TLK1: variants seen among roughly 807,000 people sequenced by gnomAD.
The protein encoded by TLK1 is serine/threonine-protein kinase tousled-like 1.
Under a neutral mutation model 105.3 loss-of-function variants are expected in TLK1, and 24 were observed. The observed-to-expected ratio is 0.23, with a 90% CI of 0.17 to 0.32. The LOEUF is 0.32. Ranked by LOEUF, TLK1 falls within the 10% of genes least tolerant of loss-of-function variation. The pLI is 1.00. For synonymous variants in TLK1, 321 were observed against 310.4 expected (o/e 1.03, Z -0.36); for missense variants, 558 against 910.5 (o/e 0.61, Z 4.98).
At chr2:171,230,485 G>A (rs1056698760) in intron 1 of TLK1, among the ~76,000 whole-genome samples, 1 of 152,134 alleles carries the variant, frequency 6.6e-6, no homozygotes, top group African/African-American at 2.4e-5. Flanking sequence ...GAATCCGCAA[G>A]AGAATACAGT....
chr2:171,117,712 T>C (rs780176272), intron 2 of TLK1, 27 bp downstream of exon 2: 3 of 1,553,228 alleles, frequency 1.9e-6, no homozygotes, highest in Non-Finnish European at 2.7e-6. Flanking sequence ...AGAAAGACTG[T>C]CAAATAAAGA....
At chr2:171,060,968 A>G in intron 4 of TLK1, 113 bp downstream of exon 4, 1 of 1,064,176 alleles carries the variant, frequency 9.4e-7, no homozygotes. Context: ...CTGTGCACAC[A>G]CCAAAATTTA....
At chr2:171,015,725 ACACACACCCAC>A (rs1685166969) in intron 12 of TLK1, among the ~76,000 whole-genome samples, 2 of 14,556 alleles carry the variant, frequency 1.4e-4, no homozygotes, top group South Asian at 2.3e-3. Flanking sequence ...ACACACACAC[ACACACACCCAC>A]CCCTTTTTTG....
At chr2:171,194,896 G>GA (rs1219060862) in intron 1 of TLK1, among the ~76,000 whole-genome samples, 2 of 150,310 alleles carry the variant, frequency 1.3e-5, no homozygotes, top group Admixed American at 6.6e-5. Flanking sequence ...GGTTATATTA[G>GA]AAAAAAGAGG....
chr2:171,228,082 A>G (rs1424710545), intron 1 of TLK1, among the ~76,000 whole-genome samples: 1 of 152,074 alleles, frequency 6.6e-6, no homozygotes, highest in African/African-American at 2.4e-5. Flanking sequence ...AGGCTGAGAC[A>G]GGAGAATCAC....
chr2:170,993,481 TAAAC>T lies in TLK1; in HGVS notation c.*295_*298del, dbSNP rs546005290. ...ACGTTATTTACAGTGTTCCCCCAAA[TAAAC>T]AAAATTTTTTTCCTCTATCTTAACA... On this transcript the variant is annotated 3_prime_UTR_variant, in exon 21 of 21. Transcript: ENST00000431350. 43 of 245,660 alleles carry T rather than the reference TAAAC, an allele frequency of 1.8e-4. No individual in the cohort carries two copies. The highest frequency in any genetic ancestry group is 6.2e-4 in the African/African-American group (28 of 45,124). 15.2% of individuals were successfully genotyped at this position (245,660 alleles called of 1,614,324 possible).
At chr2:171,128,161 A>G (rs1204777653) in intron 1 of TLK1, among the ~76,000 whole-genome samples, 1 of 152,192 alleles carries the variant, frequency 6.6e-6, no homozygotes, top group Non-Finnish European at 1.5e-5. Context: ...AATAATTCAT[A>G]TAAGGAGATA....
At chr2:171,201,364 T>C (rs1444955018) in intron 1 of TLK1, among the ~76,000 whole-genome samples, 1 of 152,212 alleles carries the variant, frequency 6.6e-6, no homozygotes, top group Non-Finnish European at 1.5e-5. Flanking sequence ...TCAATCGTTA[T>C]GAAGCATCTT....
At chr2:171,006,737 A>C in intron 16 of TLK1, 63 bp downstream of exon 16, 2 of 1,589,640 alleles carry the variant, frequency 1.3e-6, no homozygotes, top group Non-Finnish European at 8.6e-7. Context: ...TCATCAACAC[A>C]GGATGGGGAA....
intron 11 of TLK1, among the ~76,000 whole-genome samples, chr2:171,041,872 A>AT (rs1471933506): frequency 6.6e-6 from 1 of 152,236 alleles, no homozygotes; most frequent in Non-Finnish European, 1.5e-5. Flanking sequence ...AGCCATTTTC[A>AT]TTAAACAATG....
intron 1 of TLK1, among the ~76,000 whole-genome samples, chr2:171,147,146 C>T (rs1015776195): frequency 1.3e-5 from 2 of 152,130 alleles, no homozygotes; most frequent in African/African-American, 4.8e-5. Context: ...AGACTGTGAC[C>T]AAGCTCCTAG....
rs1046738712 is a variant in TLK1 at position 171,030,598 on chromosome 2, G to A, written c.1170-2193C>T. 2.6e-5 allele frequency among the ~76,000 whole-genome samples: 4 copies of A among 152,116 alleles called. No homozygotes were observed. The East Asian group carries it at 5.8e-4, about 22-fold the overall frequency. ...GTTAGCAAAAAGCTTCTGGATATGGGTACAGGTTTATGCCACTGGTGGAAG... is the reference window on the plus strand; with the variant it reads ...GTTAGCAAAAAGCTTCTGGATATGGATACAGGTTTATGCCACTGGTGGAAG... On this transcript the variant is annotated intron_variant, in intron 11 of 20. Coordinates refer to ENST00000431350, the MANE Select transcript of TLK1 (RefSeq NM_012290.5).
intron 1 of TLK1, among the ~76,000 whole-genome samples, chr2:171,177,354 G>A (rs992503490): frequency 6.6e-6 from 1 of 151,890 alleles, no homozygotes; most frequent in African/African-American, 2.4e-5. Context: ...CATTGGCCAG[G>A]CTGGTCTCGA....
At chr2:171,022,108 C>G (rs913709199) in intron 12 of TLK1, among the ~76,000 whole-genome samples, 14 of 151,606 alleles carry the variant, frequency 9.2e-5, no homozygotes, top group African/African-American at 2.9e-4. Flanking sequence ...CACACACACA[C>G]ACACACACAC....
chr2:170,999,741 G>C (rs1200317050), intron 18 of TLK1, among the ~76,000 whole-genome samples: 1 of 152,116 alleles, frequency 6.6e-6, no homozygotes, highest in South Asian at 2.1e-4. Flanking sequence ...CCATGCAGTT[G>C]AGAATCCATG....
intron 1 of TLK1, among the ~76,000 whole-genome samples, chr2:171,182,907 T>G (rs1692950543): frequency 1.0e-5 from 1 of 96,246 alleles, no homozygotes; most frequent in Admixed American, 1.2e-4. Flanking sequence ...GGGTGACAGG[T>G]CAAAACCCTG....
At chr2:171,042,301 C>A (rs928900844) in intron 11 of TLK1, among the ~76,000 whole-genome samples, 1 of 152,042 alleles carries the variant, frequency 6.6e-6, no homozygotes, top group Non-Finnish European at 1.5e-5. Context: ...GGCTGGAGTG[C>A]AGTGGAGTGA....
chr2:171,046,795 T>C lies in TLK1; in HGVS notation c.981-433A>G, dbSNP rs111971447. Among the ~76,000 whole-genome samples the C allele has an allele frequency of 2.3e-3, 352 of 152,284 alleles. 1 individual carries two copies. Among genetic ancestry groups the C allele is most frequent in the African/African-American group, 7.3e-3 (303 of 41,566 alleles). ...TTACCTTTGCTCAGTAAATGTTTCT[T>C]GAATGAAATGAGATAAAACAATACC... On this transcript the variant is annotated intron_variant, in intron 10 of 20. Transcript: ENST00000431350.
upstream of TLK1, among the ~76,000 whole-genome samples, chr2:171,164,564 T>C (rs2105298513): frequency 6.6e-6 from 1 of 152,230 alleles, no homozygotes; most frequent in East Asian, 1.9e-4. Context: ...GATCACATAG[T>C]TATTATTTCT....
Sources: gnomAD v4.1 joint callset for allele counts (sites outside exome capture counted in the v4.1 genomes callset) on GRCh38, gnomAD v4.1.1 for gene constraint, MANE v1.5 for transcripts, NCBI Gene and HGNC (gene_info 2026-07-23, HGNC 2026-07-21) for gene names.